The following RPS6KA5 variants were observed in gnomAD, a reference collection of about 807,000 sequenced individuals.
RPS6KA5 encodes the protein ribosomal protein S6 kinase alpha-5.
Under a neutral mutation model 85.5 loss-of-function variants are expected in RPS6KA5, and 27 were observed. The observed-to-expected ratio is 0.32, with a 90% CI of 0.23 to 0.44. The LOEUF is 0.44. Ranked by LOEUF, RPS6KA5 falls within the 20% of genes least tolerant of loss-of-function variation. RPS6KA5 has a pLI of 1.00. For missense variants in RPS6KA5, 811 were observed against 980.9 expected (o/e 0.83, Z 2.31); for synonymous variants, 334 against 348.2 (o/e 0.96, Z 0.46).
chr14:91,050,320 G>A (rs2043020925), intron 1 of RPS6KA5, among the ~76,000 whole-genome samples: 1 of 152,208 alleles, frequency 6.6e-6, no homozygotes, highest in African/African-American at 2.4e-5. Flanking sequence ...GTTTGAAGCT[G>A]CGGTGAACTA....
intron 2 of RPS6KA5, among the ~76,000 whole-genome samples, chr14:90,998,007 GAAAAAAAAAAAA>G (rs58227226): frequency 4.0e-4 from 24 of 59,900 alleles, no homozygotes; most frequent in African/African-American, 1.5e-3. Flanking sequence ...GACTCTGTCT[GAAAAAAAAAAAA>G]AAAAAAAAAA....
At position 90,901,556 on chromosome 14, in the gene RPS6KA5, G is replaced by A. The variant is rs142818082; in HGVS notation, c.1120-820C>T. Among the ~76,000 whole-genome samples the A allele has an allele frequency of 3.2e-4, 49 of 152,268 alleles. 1 individual carries two copies. Among genetic ancestry groups the A allele is most frequent in the African/African-American group, 1.1e-3 (44 of 41,548 alleles). Reference sequence around the variant, plus strand: ...GGCAGAATGATGCTCTGAGCTAAGTGGTACAAAGACGGATGATTAATCCGT... The same window carrying A: ...GGCAGAATGATGCTCTGAGCTAAGTAGTACAAAGACGGATGATTAATCCGT... On this transcript the variant is annotated intron_variant, in intron 9 of 16. Transcript: ENST00000614987.
intron 8 of RPS6KA5, among the ~76,000 whole-genome samples, chr14:90,904,837 G>T (rs2035413410): frequency 6.6e-6 from 1 of 152,150 alleles, no homozygotes; most frequent in Non-Finnish European, 1.5e-5. Flanking sequence ...CTACTGAAAA[G>T]AGAAATTTCT....
intron 5 of RPS6KA5, among the ~76,000 whole-genome samples, chr14:90,932,160 G>A (rs2037018337): frequency 6.6e-6 from 1 of 152,110 alleles, no homozygotes; most frequent in Non-Finnish European, 1.5e-5. Context: ...GTCTCATTCT[G>A]TCACCCAGGC....
intron 5 of RPS6KA5, among the ~76,000 whole-genome samples, chr14:90,942,104 G>A (rs1383599577): frequency 2.0e-5 from 3 of 152,108 alleles, no homozygotes; most frequent in Non-Finnish European, 2.9e-5. Context: ...GCATAGTAGA[G>A]GGGATAAATA....
At chr14:90,970,896 T>C (rs565302687) in intron 3 of RPS6KA5, among the ~76,000 whole-genome samples, 1 of 133,634 alleles carries the variant, frequency 7.5e-6, no homozygotes, top group Non-Finnish European at 1.6e-5. Context: ...TTAAAAGATA[T>C]TAATGTTGTT....
intron 6 of RPS6KA5, 37 bp from the exon 7 acceptor site, chr14:90,920,346 C>CA (rs749449322): frequency 7.7e-7 from 1 of 1,304,184 alleles, no homozygotes; most frequent in South Asian, 1.3e-5. Flanking sequence ...ATAGAATTAT[C>CA]AACTAAAATA....
Position 90,906,170 on chromosome 14 carries a change from G to C in RPS6KA5, c.936C>G (p.Ile312Met). ...LGCGPRDADE[I>M]KEHLFFQKIN... ...TCACCTGAAAGAAGAGATGTTCTTTGATTTCATCTGCATCACGTGGACCAC... is the reference window on the plus strand; with the variant it reads ...TCACCTGAAAGAAGAGATGTTCTTTCATTTCATCTGCATCACGTGGACCAC... Residue 312 changes from isoleucine to methionine, a missense_variant, in exon 8 of 17, where the codon ATC becomes ATG. Physicochemically the swap from Ile to Met is conservative, Grantham distance 10 (BLOSUM62 1). Transcript: ENST00000614987. The C allele has an allele frequency of 5.0e-6, 8 of 1,605,160 alleles. No homozygotes were observed. The highest frequency in any genetic ancestry group is 6.8e-6 in the Non-Finnish European group (8 of 1,173,500).
chr14:90,957,860 G>A (rs1214418250), intron 3 of RPS6KA5, among the ~76,000 whole-genome samples: 1 of 150,600 alleles, frequency 6.6e-6, no homozygotes, highest in African/African-American at 2.4e-5. Context: ...CTTAGTTTTA[G>A]GTCAGGTGTG....
chr14:91,032,787 G>GA (rs34722618), intron 1 of RPS6KA5, among the ~76,000 whole-genome samples: 162 of 148,608 alleles, frequency 1.1e-3, no homozygotes, highest in African/African-American at 2.2e-3. Context: ...AGAATTCATA[G>GA]AAAAAAAAAA....
intron 1 of RPS6KA5, among the ~76,000 whole-genome samples, chr14:91,035,957 A>G (rs2042392193): frequency 3.2e-4 from 2 of 6,310 alleles, no homozygotes; most frequent in Non-Finnish European, 4.9e-4. Context: ...TTAGGGTATG[A>G]AAAAAAAAAA....
At chr14:91,029,051 T>C (rs1464954678) in intron 1 of RPS6KA5, among the ~76,000 whole-genome samples, 2 of 152,190 alleles carry the variant, frequency 1.3e-5, no homozygotes, top group African/African-American at 2.4e-5. Context: ...AAAGGCAAGT[T>C]TTAAAGTATC....
intron 1 of RPS6KA5, among the ~76,000 whole-genome samples, chr14:91,035,389 T>C (rs2042355805): frequency 6.6e-6 from 1 of 151,658 alleles, no homozygotes; most frequent in Admixed American, 6.6e-5. Flanking sequence ...TAAAAATGAG[T>C]AGGGGGGCAT....
intron 2 of RPS6KA5, among the ~76,000 whole-genome samples, chr14:90,996,947 T>C (rs1304815155): frequency 1.3e-5 from 2 of 152,214 alleles, no homozygotes; most frequent in South Asian, 2.1e-4. Context: ...CTGGCAATTT[T>C]ACATTACTGA....
At chr14:91,006,600 A>G (rs1226969002) in intron 1 of RPS6KA5, among the ~76,000 whole-genome samples, 1 of 152,216 alleles carries the variant, frequency 6.6e-6, no homozygotes, top group African/African-American at 2.4e-5. Flanking sequence ...AGCTGCCAGC[A>G]CCTTAATCTT....
At chr14:90,987,456 T>C (rs1320785952) in intron 2 of RPS6KA5, among the ~76,000 whole-genome samples, 2 of 152,150 alleles carry the variant, frequency 1.3e-5, no homozygotes, top group Non-Finnish European at 2.9e-5. Context: ...TATGTCTCAT[T>C]TAATAAATGA....
intron 7 of RPS6KA5, among the ~76,000 whole-genome samples, chr14:90,912,552 A>C (rs529968747): frequency 1.7e-4 from 26 of 152,334 alleles, no homozygotes; most frequent in African/African-American, 6.0e-4. Context: ...TCCAGAATAC[A>C]ATGTGGGTGA....
At position 91,060,570 on chromosome 14, in the gene RPS6KA5, G is replaced by C. The variant is rs1348972507; in HGVS notation, c.-136C>G. 1.2e-5 allele frequency: 14 copies of C among 1,133,094 alleles called. No homozygotes were observed. In the East Asian group the frequency reaches 4.6e-4, roughly 37 times the overall value. 70.2% of individuals were successfully genotyped at this position (1,133,094 alleles called of 1,614,324 possible). On this transcript the variant is annotated 5_prime_UTR_variant, in exon 1 of 17. Coordinates refer to ENST00000614987, the MANE Select transcript of RPS6KA5 (RefSeq NM_004755.4). ...CTCCAGAACTCGGACGCAAAGACGA[G>C]TCTCTTTCCCGCTCTGGCCGCACGG...
chr14:90,887,009 A>G (rs2034270474), intron 14 of RPS6KA5, among the ~76,000 whole-genome samples: 3 of 152,350 alleles, frequency 2.0e-5, no homozygotes, highest in African/African-American at 7.2e-5. Flanking sequence ...GAAACAAATC[A>G]GGAGACTTCA....
Sources: gnomAD v4.1 joint callset for allele counts (sites outside exome capture counted in the v4.1 genomes callset) on GRCh38, gnomAD v4.1.1 for gene constraint, MANE v1.5 for transcripts, NCBI Gene and HGNC (gene_info 2026-07-23, HGNC 2026-07-21) for gene names.